RAB38: variants seen among roughly 807,000 people sequenced by gnomAD.
RAB38 encodes the protein ras-related protein Rab-38.
Under a neutral mutation model 18.4 loss-of-function variants are expected in RAB38, and 15 were observed. That is an observed-to-expected ratio of 0.82 (90% CI 0.55 to 1.26). RAB38 has a LOEUF of 1.26. Ranked by LOEUF, RAB38 falls within the 50% of genes most tolerant of loss-of-function variation. The probability of loss-of-function intolerance (pLI) is 0.00; values close to 1 mark genes in which losing one functional copy is unlikely to be tolerated. For missense variants in RAB38, 294 were observed against 267.4 expected (o/e 1.10, Z -0.69); for synonymous variants, 101 against 104.4 (o/e 0.97, Z 0.20).
chr11:87,848,325 C>G, the RAB38 span, among the ~76,000 whole-genome samples: 1 of 151,252 alleles, frequency 6.6e-6, no homozygotes, highest in African/African-American at 2.5e-5. Context: ...TTCATGCTGG[C>G]TTGCAGTCTG....
intron 2 of RAB38, 44 bp downstream of exon 2, chr11:88,149,631 G>A: frequency 1.3e-6 from 2 of 1,551,842 alleles, no homozygotes; most frequent in Non-Finnish European, 1.7e-6. Context: ...CATTTTCTTT[G>A]TGAACCTTGC....
At chr11:88,028,230 C>T in the RAB38 span, among the ~76,000 whole-genome samples, 34 of 152,162 alleles carry the variant, frequency 2.2e-4, no homozygotes, top group Admixed American at 2.2e-3. Context: ...CCCATCTGTT[C>T]ATCACCATAA....
At chr11:88,081,972 C>T in the RAB38 span, among the ~76,000 whole-genome samples, 5 of 151,952 alleles carry the variant, frequency 3.3e-5, no homozygotes, top group African/African-American at 1.2e-4. Context: ...ATCAGAAAGG[C>T]CTTATGCTAA....
chr11:87,873,949 T>TATATATATATACATAC, the RAB38 span, among the ~76,000 whole-genome samples: 1 of 138,072 alleles, frequency 7.2e-6, no homozygotes, highest in Non-Finnish European at 1.6e-5. Context: ...TATATATATA[T>TATATATATATACATAC]ACTCTGCATA....
the RAB38 span, among the ~76,000 whole-genome samples, chr11:87,848,631 T>G: frequency 6.6e-6 from 1 of 152,172 alleles, no homozygotes; most frequent in African/African-American, 2.4e-5. Context: ...AAAGATGTCT[T>G]TCTTCTGTAT....
the RAB38 span, among the ~76,000 whole-genome samples, chr11:88,060,513 G>T: frequency 1.3e-5 from 2 of 152,056 alleles, no homozygotes; most frequent in African/African-American, 4.8e-5. Flanking sequence ...TAGGTGTCAG[G>T]GAGCTCCAGG....
the RAB38 span, among the ~76,000 whole-genome samples, chr11:87,931,372 A>G: frequency 2.2e-4 from 33 of 152,074 alleles, no homozygotes; most frequent in Admixed American, 2.2e-3. Context: ...TGCAAGTACG[A>G]GAAGAAAGAA....
chr11:88,128,791 A>G (rs1348102753), intron 2 of RAB38, among the ~76,000 whole-genome samples: 1 of 152,190 alleles, frequency 6.6e-6, no homozygotes. Context: ...AACAATTCCA[A>G]GTCCCAGAGA....
the RAB38 span, among the ~76,000 whole-genome samples, chr11:88,092,229 C>T: frequency 6.6e-6 from 1 of 151,430 alleles, no homozygotes; most frequent in Admixed American, 6.6e-5. Flanking sequence ...CTTACCTCAG[C>T]ACCAGAATGT....
chr11:88,084,598 T>C, the RAB38 span, among the ~76,000 whole-genome samples: 1 of 151,838 alleles, frequency 6.6e-6, no homozygotes, highest in African/African-American at 2.4e-5. Flanking sequence ...AAGTGACTGT[T>C]TACCCTTCAA....
At chr11:88,040,233 A>G in the RAB38 span, among the ~76,000 whole-genome samples, 20 of 152,296 alleles carry the variant, frequency 1.3e-4, no homozygotes, top group South Asian at 3.9e-3. Context: ...TAGAGATCAG[A>G]GTATCAACAG....
At chr11:88,074,349 T>C in the RAB38 span, among the ~76,000 whole-genome samples, 2 of 152,140 alleles carry the variant, frequency 1.3e-5, no homozygotes, top group Admixed American at 6.5e-5. Context: ...TTGTTAAGTA[T>C]AGGCAATATA....
chr11:87,976,799 TATA>T, the RAB38 span, among the ~76,000 whole-genome samples: 2 of 40,440 alleles, frequency 4.9e-5, no homozygotes, highest in African/African-American at 1.7e-4. Context: ...AATATATACT[TATA>T]ATATATTATA....
At chr11:88,062,967 C>T in the RAB38 span, among the ~76,000 whole-genome samples, 1 of 152,162 alleles carries the variant, frequency 6.6e-6, no homozygotes, top group African/African-American at 2.4e-5. Flanking sequence ...ACTATGCGCT[C>T]TACCTTTTTA....
the RAB38 span, among the ~76,000 whole-genome samples, chr11:87,806,749 T>G: frequency 6.6e-6 from 1 of 152,232 alleles, no homozygotes; most frequent in Non-Finnish European, 1.5e-5. Flanking sequence ...GACAAGTATT[T>G]TATTGTTTAT....
chr11:87,977,355 T>TATTATAA, the RAB38 span, among the ~76,000 whole-genome samples: 1 of 114,518 alleles, frequency 8.7e-6, no homozygotes, highest in African/African-American at 3.5e-5. Context: ...ATATATTATA[T>TATTATAA]AAGTATATTA....
At chr11:87,852,468 G>T in the RAB38 span, among the ~76,000 whole-genome samples, 2 of 151,870 alleles carry the variant, frequency 1.3e-5, no homozygotes, top group African/African-American at 4.8e-5. Context: ...TGAAAATATT[G>T]TGAGCAAAAT....
the RAB38 span, among the ~76,000 whole-genome samples, chr11:87,956,461 C>T: frequency 6.6e-6 from 1 of 152,134 alleles, no homozygotes; most frequent in South Asian, 2.1e-4. Context: ...TTGCTTAGCA[C>T]AGGCTTCTAT....
chr11:87,816,498 GATT>G, the RAB38 span: 3 of 152,190 alleles, frequency 2.0e-5, no homozygotes, highest in East Asian at 5.8e-4. Flanking sequence ...TTATTATTAG[GATT>G]ATTAATAGAG....
Sources: gnomAD v4.1 joint callset for allele counts (sites outside exome capture counted in the v4.1 genomes callset) on GRCh38, gnomAD v4.1.1 for gene constraint, MANE v1.5 for transcripts, NCBI Gene and HGNC (gene_info 2026-07-23, HGNC 2026-07-21) for gene names.